The following TRPM3 variants were observed in gnomAD, a reference collection of about 807,000 sequenced individuals.
The protein encoded by TRPM3 is long transient receptor potential channel 3.
Under a neutral mutation model 181.2 loss-of-function variants are expected in TRPM3, and 77 were observed. The ratio of observed to expected loss-of-function variants is 0.42; its 90% CI spans 0.35 to 0.51. The LOEUF (loss-of-function observed/expected upper bound fraction) is 0.51, where lower values mean the gene tolerates loss of function less well. Among genes scored for constraint, TRPM3 ranks in the 20% least tolerant of loss-of-function variants. The pLI, the probability that TRPM3 is intolerant of heterozygous loss-of-function variation, is 0.01. For missense variants in TRPM3, 1,759 were observed against 2,196.7 expected (o/e 0.80, Z 3.98); for synonymous variants, 745 against 796.4 (o/e 0.94, Z 1.09).
Position 70,545,787 on chromosome 9 carries a change from A to G in TRPM3, c.3707+3755T>C, listed in dbSNP as rs183068049. Among the ~76,000 whole-genome samples the G allele has an allele frequency of 1.8e-4, 28 of 152,184 alleles. No homozygotes were observed. In the East Asian group the frequency reaches 5.0e-3, roughly 27 times the overall value. ...GGTCTCGAACACCTGAACTCAGGTA[A>G]TCTGCCTACCTCAGCCTCCCAAAGT... On this transcript the variant is annotated intron_variant, in intron 25 of 25. Coordinates refer to ENST00000677713, the MANE Select transcript of TRPM3 (RefSeq NM_001366145.2).
intron 1 of TRPM3, among the ~76,000 whole-genome samples, chr9:71,172,059 T>C (rs184871040): frequency 7.4e-4 from 112 of 152,092 alleles, no homozygotes; most frequent in Non-Finnish European, 1.5e-4. Flanking sequence ...CCACCATACC[T>C]GGCCAGTTTT....
At chr9:70,890,558 A>G (rs1337973683) in intron 1 of TRPM3, among the ~76,000 whole-genome samples, 1 of 152,154 alleles carries the variant, frequency 6.6e-6, no homozygotes, top group East Asian at 1.9e-4. Flanking sequence ...GACAAAGATA[A>G]GATTCTACAG....
intron 1 of TRPM3, among the ~76,000 whole-genome samples, chr9:71,159,105 T>TAG (rs140356660): frequency 0.3 from 43,216 of 143,760 alleles, 7,326 homozygotes; most frequent in East Asian, 0.46. Flanking sequence ...TATATATATT[T>TAG]AGAGAGAGAG....
intron 22 of TRPM3, among the ~76,000 whole-genome samples, chr9:70,588,046 G>A (rs2057440775): frequency 6.6e-6 from 1 of 152,180 alleles, no homozygotes; most frequent in Non-Finnish European, 1.5e-5. Flanking sequence ...AGAGAACTTA[G>A]ATTAAGGCTG....
At chr9:70,747,605 T>C (rs907855913) in intron 8 of TRPM3, among the ~76,000 whole-genome samples, 8 of 152,134 alleles carry the variant, frequency 5.3e-5, no homozygotes, top group African/African-American at 1.7e-4. Context: ...AAATTTGTTT[T>C]ATGGTCTGTT....
In TRPM3 at chr9:71,226,009, T is replaced by TAAAAAAAAAAAAAAAAAAA; in HGVS notation, c.183+220625_183+220643dup. Among the ~76,000 whole-genome samples, 16 of 34,706 alleles carry TAAAAAAAAAAAAAAAAAAA rather than the reference T, an allele frequency of 4.6e-4. 1 individual carries two copies. Among genetic ancestry groups the TAAAAAAAAAAAAAAAAAAA allele is most frequent in the East Asian group, 7.9e-4 (1 of 1,262 alleles). 22.8% of individuals were successfully genotyped at this position (34,706 alleles called of 152,430 possible). ...AGATATGAATAGAAACAACAAAAGG[T>TAAAAAAAAAAAAAAAAAAA]AAAAAAAAAAAAAAAAAAAAAAAAA... On this transcript the variant is annotated intron_variant, in intron 1 of 24. Transcript: ENST00000357533.
At chr9:71,374,154 T>C (rs932829339) in intron 1 of TRPM3, among the ~76,000 whole-genome samples, 1 of 152,164 alleles carries the variant, frequency 6.6e-6, no homozygotes, top group Non-Finnish European at 1.5e-5. Context: ...GGCAGGCAGA[T>C]CACCTGAGGT....
At chr9:70,565,029 A>G (rs1195722506) in intron 22 of TRPM3, among the ~76,000 whole-genome samples, 2 of 152,194 alleles carry the variant, frequency 1.3e-5, no homozygotes, top group Non-Finnish European at 2.9e-5. Flanking sequence ...TCACGCTTCA[A>G]GTGATGCTCC....
At chr9:71,382,299 A>G (rs1356612230) in intron 1 of TRPM3, among the ~76,000 whole-genome samples, 1 of 152,212 alleles carries the variant, frequency 6.6e-6, no homozygotes, top group Non-Finnish European at 1.5e-5. Context: ...TCCAGTTTAT[A>G]GGATTTACCA....
chr9:70,612,570 A>G (rs17055388), intron 18 of TRPM3, among the ~76,000 whole-genome samples: 2,570 of 152,334 alleles, frequency 0.017, 75 homozygotes, highest in African/African-American at 0.056. Context: ...CCTGTAACCA[A>G]TAGGATTTCT....
Position 70,784,219 on chromosome 9 carries a change from G to A in TRPM3, c.1034C>T (p.Ser345Leu), listed in dbSNP as rs1258641236. ...LIVEGGPNVI[S>L]IVLEYLRDTP... is the part of the protein sequence containing the mutation. ...GTCTCGAAGGTACTCCAAAACAATCGAGATCACATTGGGTCCTCCTTCCAC... is the reference window on the plus strand; with the variant it reads ...GTCTCGAAGGTACTCCAAAACAATCAAGATCACATTGGGTCCTCCTTCCAC... The change falls in exon 7 of 26, where the codon TCG (serine) becomes TTG (leucine). Residue 345 changes from serine (S) to leucine (L), a missense_variant. This residue lies in a region of TRPM3 where 737 missense variants were observed against 957.4 expected (regional missense o/e 0.77). Coordinates refer to ENST00000677713, the MANE Select transcript of TRPM3 (RefSeq NM_001366145.2). 1.2e-6 allele frequency: 2 copies of A among 1,613,514 alleles called. No homozygotes were observed. Among genetic ancestry groups the A allele is most frequent in the South Asian group, 2.2e-5 (2 of 91,018 alleles).
intron 24 of TRPM3, among the ~76,000 whole-genome samples, chr9:70,552,618 A>G (rs571777673): frequency 1.3e-5 from 2 of 152,314 alleles, no homozygotes; most frequent in African/African-American, 4.8e-5. Context: ...TCTAAGAAAG[A>G]CATGAGGCTA....
chr9:70,550,690 C>T (rs980756618), intron 24 of TRPM3, among the ~76,000 whole-genome samples: 1 of 152,170 alleles, frequency 6.6e-6, no homozygotes, highest in Non-Finnish European at 1.5e-5. Context: ...TAGGGATTGT[C>T]CCAAATATTT....
chr9:71,436,867 C>A (rs1023458761), intron 1 of TRPM3, among the ~76,000 whole-genome samples: 1 of 152,170 alleles, frequency 6.6e-6, no homozygotes, highest in Non-Finnish European at 1.5e-5. Context: ...GTAGTAATTT[C>A]TTATGGCAGC....
At chr9:70,884,683 T>G (rs1202127505) in intron 1 of TRPM3, among the ~76,000 whole-genome samples, 1 of 152,226 alleles carries the variant, frequency 6.6e-6, no homozygotes, top group East Asian at 1.9e-4. Flanking sequence ...TGTGTTTGGT[T>G]CATGTTCCTG....
At chr9:70,964,456 T>C (rs1404119117) in intron 1 of TRPM3, among the ~76,000 whole-genome samples, 2 of 152,148 alleles carry the variant, frequency 1.3e-5, no homozygotes, top group Admixed American at 6.6e-5. Flanking sequence ...TGCTGTTTTT[T>C]ACTTGTGGTT....
chr9:70,536,465 G>A lies in TRPM3; in HGVS notation c.4648C>T (p.Pro1550Ser), dbSNP rs374746755. The stretch of plus-strand genomic sequence containing the variant: ...CTTGTGTATTCTGCTGTTTTTACAG[G>A]CACCCCAAAGTTGGCATAATAGCTC... ...SRSYYANFGV[P>S]VKTAEYTSIT... The change falls in exon 26 of 26, where the codon CCT becomes TCT. Residue 1550 changes from proline to serine, a missense_variant. Coordinates refer to ENST00000677713, the MANE Select transcript of TRPM3 (RefSeq NM_001366145.2). 5.6e-6 allele frequency: 9 copies of A among 1,613,976 alleles called. No individual in the cohort carries two copies. In the African/African-American group the frequency reaches 1.1e-4, roughly 19 times the overall value.
chr9:70,963,511 G>A (rs1489821161), intron 1 of TRPM3, among the ~76,000 whole-genome samples: 1 of 152,146 alleles, frequency 6.6e-6, no homozygotes, highest in African/African-American at 2.4e-5. Context: ...GAGATTTTGA[G>A]GGGCTGGCAA....
upstream of TRPM3, among the ~76,000 whole-genome samples, chr9:71,126,176 G>A (rs1207904413): frequency 6.6e-6 from 1 of 152,130 alleles, no homozygotes; most frequent in Admixed American, 6.5e-5. Flanking sequence ...AAACCACAAT[G>A]AGATACCATC....
Sources: allele counts gnomAD v4.1 joint callset (sites outside exome capture counted in the v4.1 genomes callset), GRCh38; gene constraint gnomAD v4.1.1; regional missense constraint gnomAD v4.1.1; transcripts MANE v1.5; gene names NCBI Gene and HGNC (gene_info 2026-07-23, HGNC 2026-07-21).